Variants in ETNK1 observed in about 807,000 individuals in gnomAD.
ETNK1 encodes the protein putative protein product of Nbla10396.
A neutral mutation model predicts 45.1 loss-of-function variants in ETNK1; 8 were observed. That is an observed-to-expected ratio of 0.18 (90% CI 0.10 to 0.32). ETNK1 has a LOEUF of 0.32. Ranked by LOEUF, ETNK1 falls within the 10% of genes least tolerant of loss-of-function variation. ETNK1 has a pLI of 1.00. For synonymous variants in ETNK1, 152 were observed against 151.9 expected, an observed-to-expected ratio of 1.00 and a Z score of -0.01; for missense variants, 302 against 430.6, an observed-to-expected ratio of 0.70 and a Z score of 2.64.
chr12:22,627,610 A>C (rs1007341797), intron 1 of ETNK1, among the ~76,000 whole-genome samples: 2 of 152,068 alleles, frequency 1.3e-5, no homozygotes, highest in African/African-American at 4.8e-5. Flanking sequence ...TCTCAAAGGA[A>C]ATATTTTCTT....
intron 4 of ETNK1, among the ~76,000 whole-genome samples, chr12:22,670,576 T>G (rs1249332025): frequency 1.3e-5 from 2 of 152,170 alleles, no homozygotes; most frequent in African/African-American, 4.8e-5. Context: ...TAGGCATCTA[T>G]TTAGCTTATG....
intron 5 of ETNK1, 25 bp downstream of exon 5, chr12:22,671,380 T>A (rs1189223747): frequency 7.4e-7 from 1 of 1,348,216 alleles, no homozygotes; most frequent in East Asian, 2.3e-5. Context: ...GTAACTTATT[T>A]AGCTTTGAAA....
intron 2 of ETNK1, among the ~76,000 whole-genome samples, chr12:22,652,446 A>G (rs1370132498): frequency 6.6e-6 from 1 of 152,178 alleles, no homozygotes; most frequent in South Asian, 2.1e-4. Context: ...GTTTTCTGTA[A>G]TAGCTGCACC....
intron 2 of ETNK1, among the ~76,000 whole-genome samples, chr12:22,657,145 A>C (rs12300802): frequency 0.047 from 7,113 of 152,250 alleles, 538 homozygotes; most frequent in African/African-American, 0.16. Flanking sequence ...CCTATATATG[A>C]GACTAACATA....
intron 4 of ETNK1, among the ~76,000 whole-genome samples, chr12:22,666,301 G>A (rs16925261): frequency 0.047 from 7,085 of 152,214 alleles, 537 homozygotes; most frequent in African/African-American, 0.16. Context: ...TATGGTGATA[G>A]AATTTGATAT....
At chr12:22,626,937 T>C (rs758176090) in intron 1 of ETNK1, among the ~76,000 whole-genome samples, 6 of 152,184 alleles carry the variant, frequency 3.9e-5, no homozygotes, top group Non-Finnish European at 5.9e-5. Context: ...TATATAAGAC[T>C]CTAAAATTTA....
At chr12:22,643,690 T>G in intron 1 of ETNK1, 73 bp from the exon 2 acceptor site, 1 of 1,320,068 alleles carries the variant, frequency 7.6e-7, no homozygotes, top group South Asian at 1.6e-5. Flanking sequence ...AACTCATGAT[T>G]TTCAATTTAT....
At position 22,644,166 on chromosome 12, in the gene ETNK1, T is replaced by G. The variant is rs760528525; in HGVS notation, c.416+144T>G. ...TTAGCTAGGGTTTTTGTTTTTGTTC[T>G]TGTTTTCCCTAAAAAGATAGAAGTA... On this transcript the variant is annotated intron_variant, in intron 2 of 7. Coordinates refer to ENST00000266517, the MANE Select transcript of ETNK1 (RefSeq NM_018638.5). The G allele has an allele frequency of 1.4e-4, 207 of 1,533,016 alleles. 1 individual carries two copies. The highest frequency in any genetic ancestry group is 1.7e-4 in the Non-Finnish European group (195 of 1,134,062). The allele number at this position is 1,533,016 out of a possible 1,614,324, so 95.0% of individuals were successfully genotyped here.
intron 1 of ETNK1, among the ~76,000 whole-genome samples, chr12:22,639,416 CAT>C (rs1953703758): frequency 6.6e-6 from 1 of 152,248 alleles, no homozygotes; most frequent in East Asian, 1.9e-4. Context: ...GTGGCTCACA[CAT>C]GTAATCCTAG....
chr12:22,639,338 T>G (rs1198653591), intron 1 of ETNK1, among the ~76,000 whole-genome samples: 1 of 150,126 alleles, frequency 6.7e-6, no homozygotes, highest in African/African-American at 2.4e-5. Flanking sequence ...TGAGCCACCA[T>G]GGCCAGCCAT....
intron 2 of ETNK1, among the ~76,000 whole-genome samples, chr12:22,647,750 C>T (rs938735129): frequency 4.0e-5 from 6 of 151,770 alleles, no homozygotes; most frequent in African/African-American, 1.4e-4. Flanking sequence ...TGTTAGAATA[C>T]ATTTAATTTT....
At chr12:22,659,525 C>T (rs1953978048) in intron 3 of ETNK1, among the ~76,000 whole-genome samples, 1 of 152,110 alleles carries the variant, frequency 6.6e-6, no homozygotes, top group Non-Finnish European at 1.5e-5. Flanking sequence ...GAGCCTGGAG[C>T]CAAACTGAGA....
At chr12:22,672,308 C>A (rs916227676) in intron 5 of ETNK1, among the ~76,000 whole-genome samples, 2 of 151,960 alleles carry the variant, frequency 1.3e-5, no homozygotes, top group African/African-American at 4.8e-5. Context: ...AAGATTAGAA[C>A]ATACCCCAGA....
At chr12:22,641,244 G>A (rs1339108234) in intron 1 of ETNK1, among the ~76,000 whole-genome samples, 1 of 152,094 alleles carries the variant, frequency 6.6e-6, no homozygotes, top group Non-Finnish European at 1.5e-5. Flanking sequence ...GGTATTCTCT[G>A]GATTGGATGG....
intron 4 of ETNK1, among the ~76,000 whole-genome samples, chr12:22,669,308 T>A (rs1210341808): frequency 2.7e-5 from 4 of 148,688 alleles, no homozygotes; most frequent in African/African-American, 9.9e-5. Context: ...TATTACTTAT[T>A]GTACATAAAT....
chr12:22,625,870 C>T, intron 1 of ETNK1: 1 of 662,084 alleles, frequency 1.5e-6, no homozygotes, highest in African/African-American at 1.8e-5. Flanking sequence ...CTGATAGTTG[C>T]CCCTCCTCCC....
intron 1 of ETNK1, among the ~76,000 whole-genome samples, chr12:22,641,205 T>C (rs1462645618): frequency 1.3e-5 from 2 of 152,108 alleles, no homozygotes; most frequent in Non-Finnish European, 2.9e-5. Context: ...GGGATTTGTC[T>C]GGTGATTTGG....
At chr12:22,667,545 C>T (rs1032916639) in intron 4 of ETNK1, among the ~76,000 whole-genome samples, 12 of 152,146 alleles carry the variant, frequency 7.9e-5, no homozygotes, top group Admixed American at 5.2e-4. Flanking sequence ...AGGACACCAG[C>T]GTGAAGATTA....
chr12:22,642,816 A>G (rs1346439216), intron 1 of ETNK1, among the ~76,000 whole-genome samples: 2 of 152,042 alleles, frequency 1.3e-5, no homozygotes. Flanking sequence ...GGAGCCTTCA[A>G]AAGTTCTGAA....
Sources: allele counts gnomAD v4.1 joint callset (sites outside exome capture counted in the v4.1 genomes callset), GRCh38; gene constraint gnomAD v4.1.1; transcripts MANE v1.5; gene names NCBI Gene and HGNC (gene_info 2026-07-23, HGNC 2026-07-21).